RAB11B: variants seen among roughly 807,000 people sequenced by gnomAD.
RAB11B encodes the protein RAB11B, member RAS oncogene family.
Under a neutral mutation model 23.7 loss-of-function variants are expected in RAB11B, and 7 were observed. The observed-to-expected ratio is 0.29, with a 90% CI of 0.17 to 0.55. The LOEUF is 0.55. Among genes scored for constraint, RAB11B ranks in the 20% least tolerant of loss-of-function variants. The probability of loss-of-function intolerance (pLI) is 0.93; values close to 1 mark genes in which losing one functional copy is unlikely to be tolerated. For missense variants in RAB11B, 189 were observed against 320.0 expected, an observed-to-expected ratio of 0.59 and a Z score of 3.12; for synonymous variants, 138 against 132.0, an observed-to-expected ratio of 1.05 and a Z score of -0.31.
chr19:8,395,364 C>A (rs1406220617), intron 1 of RAB11B, among the ~76,000 whole-genome samples: 1 of 151,602 alleles, frequency 6.6e-6, no homozygotes, highest in Non-Finnish European at 1.5e-5. Context: ...ACCTCCGCCT[C>A]CCAGGTTCAA....
In RAB11B at chr19:8,402,597, C is replaced by G. The variant is rs116735255; in HGVS notation, c.511+32C>G. On this transcript the variant is annotated intron_variant, in intron 4 of 4. Coordinates refer to ENST00000328024, the MANE Select transcript of RAB11B (RefSeq NM_004218.4). ...GGGGACCAGATGGGTGTGGGTAGGG[C>G]ACCAGCCAGGCAGGGTGGAACACGG... 2,908 of 1,535,088 alleles carry G rather than the reference C, an allele frequency of 1.9e-3. 41 individuals carry two copies. In the African/African-American group the frequency reaches 0.035, roughly 18 times the overall value.
intron 1 of RAB11B, among the ~76,000 whole-genome samples, chr19:8,395,748 G>A (rs1599685647): frequency 6.6e-6 from 1 of 152,230 alleles, no homozygotes; most frequent in African/African-American, 2.4e-5. Context: ...CAGGGGGACA[G>A]GCTGCCCTAT....
At position 8,403,579 on chromosome 19, in the gene RAB11B, G is replaced by T. The variant is rs763311062; in HGVS notation, c.*21G>T. The T allele has an allele frequency of 7.5e-6, 12 of 1,601,520 alleles. No homozygotes were observed. Among genetic ancestry groups the T allele is most frequent in the Non-Finnish European group, 1.0e-5 (12 of 1,171,640 alleles). ...TGTGACCCCTGCGCCTCCACCCAGC[G>T]TGCGTGCACGTCCTCCGCCCGCCCC... On this transcript the variant is annotated 3_prime_UTR_variant, in exon 5 of 5. Coordinates refer to ENST00000328024, the MANE Select transcript of RAB11B (RefSeq NM_004218.4).
At chr19:8,392,747 G>C (rs1265659396) in intron 1 of RAB11B, among the ~76,000 whole-genome samples, 1 of 127,972 alleles carries the variant, frequency 7.8e-6, no homozygotes, top group Non-Finnish European at 1.6e-5. Flanking sequence ...CTGGAGTGCA[G>C]TGGCGCAATC....
At chr19:8,402,769 TCTC>T (rs1176956254) in intron 4 of RAB11B, 11 of 587,880 alleles carry the variant, frequency 1.9e-5, no homozygotes, top group South Asian at 6.4e-5. Flanking sequence ...TTCAGGCAAT[TCTC>T]CTGCCTCAGC....
At chr19:8,390,889 A>G (rs939375429) in intron 1 of RAB11B, among the ~76,000 whole-genome samples, 1 of 151,030 alleles carries the variant, frequency 6.6e-6, no homozygotes, top group Non-Finnish European at 1.5e-5. Flanking sequence ...GGCCTGGGCA[A>G]ACGGAGGCGG....
chr19:8,398,973 G>GA (rs1971417324), intron 1 of RAB11B, among the ~76,000 whole-genome samples: 1 of 149,048 alleles, frequency 6.7e-6, no homozygotes, highest in South Asian at 2.1e-4. Flanking sequence ...TTTTTTTTGA[G>GA]ATGGAGTCTC....
At chr19:8,400,101 C>T (rs1201100352) in intron 2 of RAB11B, 43 bp downstream of exon 2, 9 of 1,594,104 alleles carry the variant, frequency 5.6e-6, no homozygotes, top group East Asian at 4.5e-5. Context: ...GATTCGGGGG[C>T]GTGGGCTTGC....
intron 1 of RAB11B, among the ~76,000 whole-genome samples, chr19:8,398,956 ATTAT>A (rs1971416956): frequency 2.6e-5 from 3 of 114,826 alleles, no homozygotes; most frequent in South Asian, 5.8e-4. Context: ...TATTATTATT[ATTAT>A]TTTTTTTTTT....
chr19:8,399,774 G>T, intron 1 of RAB11B, 89 bp from the exon 2 acceptor site: 1 of 1,461,666 alleles, frequency 6.8e-7, no homozygotes, highest in East Asian at 2.3e-5. Context: ...CAGCCGCGTT[G>T]GTGCAGCACC....
rs750497058 is a variant in RAB11B at position 8,396,241 on chromosome 19, G to A, written c.41-3622G>A. On this transcript the variant is annotated intron_variant, in intron 1 of 4. Transcript: ENST00000328024. The surrounding 1 kb of genome is among the most constrained non-coding windows in gnomAD (Gnocchi z 5.0). The stretch of plus-strand genomic sequence containing the variant: ...GCCTGATCCTGCCCTCCTCACCTGT[G>A]GCCCAAGGGTGGTGACCTGGCATCC... Among the ~76,000 whole-genome samples, 66 of 152,356 alleles carry A rather than the reference G, an allele frequency of 4.3e-4. No homozygotes were observed. Among genetic ancestry groups the A allele is most frequent in the South Asian group, 2.1e-4 (1 of 4,832 alleles).
rs903050870 is a variant in RAB11B, at chr19:8,396,427, C to T, written c.41-3436C>T. 6.6e-6 allele frequency among the ~76,000 whole-genome samples: 1 copy of T among 152,206 alleles called. No individual in the cohort carries two copies. Among genetic ancestry groups the T allele is most frequent in the Non-Finnish European group, 1.5e-5 (1 of 68,050 alleles). On this transcript the variant is annotated intron_variant, in intron 1 of 4. Transcript: ENST00000328024. This position sits in a 1 kb window ranked among gnomAD's most constrained non-coding sequence, Gnocchi z 5.0. The stretch of plus-strand genomic sequence containing the variant: ...GGGCAGACTGGCAAAAGATAAATGC[C>T]ACCTGACAGGTGAGAGAGTGGCAAG...
At chr19:8,392,849 G>A (rs1486702040) in intron 1 of RAB11B, among the ~76,000 whole-genome samples, 6 of 151,198 alleles carry the variant, frequency 4.0e-5, no homozygotes, top group South Asian at 2.1e-4. Context: ...CACCACACCC[G>A]GCTAATTTTT....
In RAB11B at chr19:8,390,439, A is replaced by T. The variant is rs1353087352; in HGVS notation, c.23A>T (p.Tyr8Phe). Reference protein sequence around the residue: MGTRDDEYDYLFKVVLIG... With the variant: MGTRDDEFDYLFKVVLIG... ...ACAATGGGGACCCGGGACGACGAGT[A>T]CGACTACCTATTCAAAGGTGCGGCC... is the stretch of plus-strand genomic sequence containing the variant. The change falls in exon 1 of 5, where the codon TAC (tyrosine) becomes TTC (phenylalanine). Residue 8 changes from tyrosine (Y) to phenylalanine (F), a missense_variant. Around this residue, in one of 5 missense-constraint regions of RAB11B, gnomAD observed 20 missense variants for 16.2 expected, o/e 1.24. Transcript: ENST00000328024. 2 of 1,517,944 alleles carry T rather than the reference A, an allele frequency of 1.3e-6. No individual in the cohort carries two copies. The highest frequency in any genetic ancestry group is 1.8e-6 in the Non-Finnish European group (2 of 1,138,318). 94.0% of individuals were successfully genotyped at this position (1,517,944 alleles called of 1,614,324 possible).
intron 1 of RAB11B, among the ~76,000 whole-genome samples, chr19:8,392,490 C>G (rs1016125826): frequency 6.6e-6 from 1 of 151,724 alleles, no homozygotes; most frequent in African/African-American, 2.4e-5. Flanking sequence ...GCCCTGCTGC[C>G]CTCCCCACAC....
At chr19:8,395,366 C>T (rs917201478) in intron 1 of RAB11B, among the ~76,000 whole-genome samples, 2 of 151,334 alleles carry the variant, frequency 1.3e-5, no homozygotes, top group African/African-American at 2.4e-5. Flanking sequence ...CTCCGCCTCC[C>T]AGGTTCAAAT....
Position 8,399,874 on chromosome 19 carries a change from G to A in RAB11B, c.52G>A (p.Gly18Arg), listed in dbSNP as rs1568228630. The change falls in exon 2 of 5, where the codon GGG (glycine) becomes AGG (arginine). Residue 18 changes from glycine (G) to arginine (R), a missense_variant. Physicochemically the swap from Gly to Arg is moderately radical, Grantham distance 125 (BLOSUM62 -2). Transcript: ENST00000328024. ...YDYLFKVVLI[G>R]DSGVGKSNLL... ...GCCTTCCCGCCCAGTGGTGCTCATCGGGGACTCAGGCGTGGGCAAGAGCAA... is the reference window on the plus strand; with the variant it reads ...GCCTTCCCGCCCAGTGGTGCTCATCAGGGACTCAGGCGTGGGCAAGAGCAA... The A allele has an allele frequency of 5.0e-6, 8 of 1,613,734 alleles. No homozygotes were observed. The highest frequency in any genetic ancestry group is 5.9e-6 in the Non-Finnish European group (7 of 1,179,660).
rs1220959295 is a variant in RAB11B, at chr19:8,396,713, G to GC, written c.41-3150_41-3149insC. Among the ~76,000 whole-genome samples the GC allele has an allele frequency of 6.8e-6, 1 of 147,158 alleles. No individual in the cohort carries two copies. The highest frequency in any genetic ancestry group is 2.5e-5 in the African/African-American group (1 of 39,354). ...TGTGGCTGGAGCAGAGTGAGCCGGG[G>GC]GGGGGGCGGGAGGGAGGAGGGGAGG... On this transcript the variant is annotated intron_variant, in intron 1 of 4. Coordinates refer to ENST00000328024, the MANE Select transcript of RAB11B (RefSeq NM_004218.4). This position sits in a 1 kb window ranked among gnomAD's most constrained non-coding sequence, Gnocchi z 5.0.
chr19:8,395,196 G>T (rs780591355), intron 1 of RAB11B, among the ~76,000 whole-genome samples: 16 of 151,900 alleles, frequency 1.1e-4, no homozygotes, highest in Non-Finnish European at 1.9e-4. Flanking sequence ...CCTGGGAGCC[G>T]ATTCTCATCC....
Sources: gnomAD v4.1 joint callset for allele counts (sites outside exome capture counted in the v4.1 genomes callset) on GRCh38, gnomAD v4.1.1 for gene constraint, gnomAD v4.1.1 regional missense constraint, Gnocchi (gnomAD v3.1) non-coding constraint, MANE v1.5 for transcripts, NCBI Gene and HGNC (gene_info 2026-07-23, HGNC 2026-07-21) for gene names.